The following TMC2 variants were observed in gnomAD, a reference collection of about 807,000 sequenced individuals.
TMC2 encodes transmembrane channel-like protein 2.
Under a neutral mutation model 105.9 loss-of-function variants are expected in TMC2, and 102 were observed. The ratio of observed to expected loss-of-function variants is 0.96; its 90% CI spans 0.82 to 1.14. TMC2 has a LOEUF of 1.14. TMC2 is among the 50% of genes most tolerant of loss of function. The pLI is 0.00. For missense variants in TMC2, 1,093 were observed against 1,134.3 expected (o/e 0.96, Z 0.52); for synonymous variants, 402 against 422.8 (o/e 0.95, Z 0.60).
At chr20:2,628,376 C>T (rs970894575) in intron 17 of TMC2, among the ~76,000 whole-genome samples, 1 of 152,032 alleles carries the variant, frequency 6.6e-6, no homozygotes, top group African/African-American at 2.4e-5. Context: ...TTTCATCATA[C>T]TTTCTAACTA....
chr20:2,632,711 T>C (rs2086612450), intron 17 of TMC2, among the ~76,000 whole-genome samples: 2 of 152,072 alleles, frequency 1.3e-5, no homozygotes. Flanking sequence ...TGCCCCAGCC[T>C]CCCGAGTAGC....
At chr20:2,631,556 TTC>T (rs2086602953) in intron 17 of TMC2, among the ~76,000 whole-genome samples, 1 of 152,244 alleles carries the variant, frequency 6.6e-6, no homozygotes, top group Admixed American at 6.5e-5. Flanking sequence ...TTGATAGTCT[TTC>T]TCTTTCAATC....
Position 2,607,054 on chromosome 20 carries a change from G to A in TMC2, c.1414-3365G>A, listed in dbSNP as rs182478774. Among the ~76,000 whole-genome samples, 1,359 of 150,966 alleles carry A rather than the reference G, an allele frequency of 9.0e-3. 58 individuals are homozygous for A. The highest frequency in any genetic ancestry group is 0.066 in the Admixed American group (1,008 of 15,172). Reference sequence around the variant, plus strand: ...ACTGTTTTATACAACTTACTTTTTGGTGCGTTTTCATTATCTGAAAGTTTA... The same window carrying A: ...ACTGTTTTATACAACTTACTTTTTGATGCGTTTTCATTATCTGAAAGTTTA... On this transcript the variant is annotated intron_variant, in intron 11 of 19. Transcript: ENST00000358864.
At chr20:2,593,831 G>A (rs1159982517) in intron 8 of TMC2, among the ~76,000 whole-genome samples, 2 of 152,040 alleles carry the variant, frequency 1.3e-5, no homozygotes, top group Non-Finnish European at 2.9e-5. Context: ...ATTCCCAGTG[G>A]AATAAAATCC....
chr20:2,552,026 A>T (rs190004314), intron 2 of TMC2, among the ~76,000 whole-genome samples: 1 of 152,276 alleles, frequency 6.6e-6, no homozygotes, highest in Non-Finnish European at 1.5e-5. Flanking sequence ...TGTGAAGCCA[A>T]ACTGGGAGGA....
intron 2 of TMC2, among the ~76,000 whole-genome samples, chr20:2,545,690 AG>A (rs2085918148): frequency 1.5e-5 from 1 of 66,248 alleles, no homozygotes; most frequent in Admixed American, 2.1e-4. Context: ...AGAAGAAAGA[AG>A]AAGGAAGAAG....
At chr20:2,595,402 C>T (rs2086298518) in intron 9 of TMC2, among the ~76,000 whole-genome samples, 2 of 152,200 alleles carry the variant, frequency 1.3e-5, no homozygotes, top group African/African-American at 4.8e-5. Flanking sequence ...CCAAAAAACT[C>T]TTCTGCTCCT....
rs2086702386 is a variant in TMC2, at chr20:2,643,567, T to G, written c.*2216T>G. On this transcript the variant is annotated 3_prime_UTR_variant, in exon 20 of 20. Coordinates refer to ENST00000358864, the MANE Select transcript of TMC2 (RefSeq NM_080751.3). ...ATAACAGCCTAAAACAATAAACAAT[T>G]ATGTATTATTGTATGTAGTTTCTGT... Among the ~76,000 whole-genome samples the G allele has an allele frequency of 6.6e-6, 1 of 152,182 alleles. No individual in the cohort carries two copies. Among genetic ancestry groups the G allele is most frequent in the East Asian group, 1.9e-4 (1 of 5,198 alleles).
At chr20:2,628,375 ACTTT>A (rs751665126) in intron 17 of TMC2, among the ~76,000 whole-genome samples, 4 of 152,046 alleles carry the variant, frequency 2.6e-5, no homozygotes, top group African/African-American at 9.7e-5. Context: ...CTTTCATCAT[ACTTT>A]CTAACTAGTT....
chr20:2,632,125 G>A (rs549373303), intron 17 of TMC2, among the ~76,000 whole-genome samples: 3 of 151,518 alleles, frequency 2.0e-5, no homozygotes, highest in Admixed American at 6.6e-5. Flanking sequence ...AGGTTCCAGC[G>A]ATTCTCCTGC....
At chr20:2,578,588 A>G (rs1378991327) in intron 5 of TMC2, among the ~76,000 whole-genome samples, 2 of 152,190 alleles carry the variant, frequency 1.3e-5, no homozygotes, top group African/African-American at 4.8e-5. Flanking sequence ...AGGGGGCAAC[A>G]TGCCTTTCTG....
chr20:2,562,939 C>T (rs993300349), intron 4 of TMC2, among the ~76,000 whole-genome samples: 8 of 151,544 alleles, frequency 5.3e-5, no homozygotes, highest in Non-Finnish European at 1.2e-4. Context: ...GAGGGAGACT[C>T]TGTATCAAAA....
intron 17 of TMC2, among the ~76,000 whole-genome samples, chr20:2,624,661 C>T (rs1182925724): frequency 2.6e-5 from 4 of 152,076 alleles, no homozygotes; most frequent in Non-Finnish European, 5.9e-5. Context: ...GCAAAGGATC[C>T]GAGGCATTTA....
intron 9 of TMC2, among the ~76,000 whole-genome samples, chr20:2,596,430 G>A (rs1001270518): frequency 6.6e-5 from 10 of 152,000 alleles, no homozygotes; most frequent in African/African-American, 2.2e-4. Context: ...TCAGGAGTTC[G>A]AGACCAGCCT....
rs117495345 is a variant in TMC2 at position 2,603,383 on chromosome 20, T to C, written c.1413+1082T>C. On this transcript the variant is annotated intron_variant, in intron 11 of 19. Transcript: ENST00000358864. ...TATAAAAAAGGAAATATGGCATTGA[T>C]AGGAGGACAAATATAAAGCACAAAA... Among the ~76,000 whole-genome samples the C allele has an allele frequency of 6.6e-5, 10 of 152,234 alleles. No individual in the cohort carries two copies. The East Asian group carries it at 1.9e-3, about 29-fold the overall frequency.
chr20:2,613,301 C>G lies in TMC2; in HGVS notation c.1851C>G (p.Cys617Trp). 1 of 1,614,108 alleles carries G rather than the reference C, an allele frequency of 6.2e-7. No individual in the cohort carries two copies. Among genetic ancestry groups the G allele is most frequent in the East Asian group, 2.2e-5 (1 of 44,876 alleles). The change falls in exon 14 of 20, where the codon TGC becomes TGG. Residue 617 changes from cysteine to tryptophan, a missense_variant. Cys to Trp is a radical substitution (Grantham distance 215, BLOSUM62 -2). Coordinates refer to ENST00000358864, the MANE Select transcript of TMC2 (RefSeq NM_080751.3). Reference sequence around the variant, plus strand: ...TGCGGTTCATGAACTACTGCTGGTGCTGGGACTTGGAGGCTGGATTTGTAG... The same window carrying G: ...TGCGGTTCATGAACTACTGCTGGTGGTGGGACTTGGAGGCTGGATTTGTAG... The part of the protein sequence containing the change: ...CFVRFMNYCW[C>W]WDLEAGFPSY...
chr20:2,557,813 GC>G (rs1407312135), intron 2 of TMC2, among the ~76,000 whole-genome samples: 5 of 152,140 alleles, frequency 3.3e-5, no homozygotes, highest in Admixed American at 1.3e-4. Context: ...ATGAAAGTGC[GC>G]CCCCACCAAG....
At chr20:2,637,366 C>T (rs886535537) in intron 18 of TMC2, 108 bp from the exon 19 acceptor site, 13 of 612,492 alleles carry the variant, frequency 2.1e-5, no homozygotes, top group Admixed American at 1.2e-4. Context: ...CCAGCCTGGG[C>T]AACAGAGTGA....
intron 5 of TMC2, among the ~76,000 whole-genome samples, chr20:2,573,086 T>C (rs2086114971): frequency 6.6e-6 from 1 of 151,902 alleles, no homozygotes; most frequent in African/African-American, 2.4e-5. Flanking sequence ...CTCAGCCTCC[T>C]GAGTAGCTAG....
Sources: allele counts gnomAD v4.1 joint callset (sites outside exome capture counted in the v4.1 genomes callset), GRCh38; gene constraint gnomAD v4.1.1; transcripts MANE v1.5; gene names NCBI Gene and HGNC (gene_info 2026-07-23, HGNC 2026-07-21).